ZNF99: variants seen among roughly 807,000 people sequenced by gnomAD.
ZNF99 encodes the protein zinc finger protein 99.
ZNF99 carries 8 observed loss-of-function variants against 12.8 expected under a neutral mutation model. The observed-to-expected ratio is 0.62, with a 90% CI of 0.37 to 1.13. ZNF99 has a LOEUF of 1.13. ZNF99 is among the 50% of genes most tolerant of loss of function. ZNF99 has a pLI of 0.02. For missense variants in ZNF99, 1,007 were observed against 1,006.2 expected, an observed-to-expected ratio of 1.00 and a Z score of -0.01; for synonymous variants, 318 against 319.0, an observed-to-expected ratio of 1.00 and a Z score of 0.03.
In ZNF99 at chr19:22,757,513, T is replaced by G. The variant is rs71357943; in HGVS notation, c.2396A>C (p.Asn799Thr). The G allele has an allele frequency of 1.2e-6, 2 of 1,610,594 alleles. No individual in the cohort carries two copies. Among genetic ancestry groups the G allele is most frequent in the Admixed American group, 3.3e-5 (2 of 59,898 alleles). Residue 799 changes from asparagine to threonine, a missense_variant, in exon 4 of 4, where the codon AAC becomes ACC. Asn to Thr is a moderately conservative substitution (Grantham distance 65). Transcript: ENST00000596209. ...YKCEECGKAF[N>T]NSSTLRKHEI... The stretch of plus-strand genomic sequence containing the variant: ...ATGTTTTCTAAGGGTTGAGGAATTG[T>G]TAAAAGCTTTGCCACATTCTTCACA...
At chr19:22,766,196 C>T (rs1434658789) in intron 3 of ZNF99, among the ~76,000 whole-genome samples, 15 of 145,962 alleles carry the variant, frequency 1.0e-4, no homozygotes, top group South Asian at 2.1e-4. Flanking sequence ...ATAGAAACTA[C>T]GCAAAACAAA....
Position 22,755,149 on chromosome 19 carries a change from T to C in ZNF99, c.*2165A>G, listed in dbSNP as rs891800722. 19 of 232,740 alleles carry C rather than the reference T, an allele frequency of 8.2e-5. No individual in the cohort carries two copies. The highest frequency in any genetic ancestry group is 1.3e-4 in the Non-Finnish European group (15 of 113,188). 14.4% of individuals were successfully genotyped at this position (232,740 alleles called of 1,614,324 possible). A position where few individuals can be genotyped will look rare whatever the true frequency, so the allele number is the denominator to read the frequency against. On this transcript the variant is annotated 3_prime_UTR_variant, in exon 4 of 4. Coordinates refer to ENST00000596209, the MANE Select transcript of ZNF99 (RefSeq NM_001080409.3). ...GTAGGGTTTCTCTCCCATTGAATTA[T>C]GTTGTTTAGCAAGAGTTGAGGACTG...
chr19:22,752,435 C>T lies in ZNF99; in HGVS notation c.*4879G>A, dbSNP rs1439656991. Reference sequence around the variant, plus strand: ...CAGAAATATATCTACACACTATGTACCCATAAAAGTTAAGAAAAATAAGTT... The same window carrying T: ...CAGAAATATATCTACACACTATGTATCCATAAAAGTTAAGAAAAATAAGTT... On this transcript the variant is annotated 3_prime_UTR_variant, in exon 4 of 4. Coordinates refer to ENST00000596209, the MANE Select transcript of ZNF99 (RefSeq NM_001080409.3). 2 of 150,674 alleles carry T rather than the reference C, an allele frequency of 1.3e-5. No individual in the cohort carries two copies. The highest frequency in any genetic ancestry group is 4.9e-5 in the African/African-American group (2 of 40,924). 9.3% of individuals were successfully genotyped at this position (150,674 alleles called of 1,614,324 possible). A position where few individuals can be genotyped will look rare whatever the true frequency, so the allele number is the denominator to read the frequency against.
chr19:22,767,178 A>C (rs1973214480), intron 3 of ZNF99, among the ~76,000 whole-genome samples: 1 of 151,716 alleles, frequency 6.6e-6, no homozygotes, highest in South Asian at 2.1e-4. Context: ...CAGCTACTTA[A>C]GAGGTTGAAA....
In ZNF99 at chr19:22,768,390, G is replaced by C. The variant is rs542942085; in HGVS notation, c.141C>G (p.Val47=). ...GACAAGTTATCAAGTCTAGCTTAGAGACAGCGATACCTGTTTTATTAAAAA... is the reference window on the plus strand; with the variant it reads ...GACAAGTTATCAAGTCTAGCTTAGACACAGCGATACCTGTTTTATTAAAAA... ...YRNLVFLGIA[V]SKLDLITCLK... Residue 47 remains valine, a synonymous_variant, in exon 3 of 4, where the codon GTC becomes GTG. Transcript: ENST00000596209. 1.2e-6 allele frequency: 2 copies of C among 1,611,570 alleles called. No individual in the cohort carries two copies. The highest frequency in any genetic ancestry group is 2.2e-5 in the East Asian group (1 of 44,818).
chr19:22,768,849 G>C (rs1387575903), intron 2 of ZNF99, among the ~76,000 whole-genome samples: 4 of 152,004 alleles, frequency 2.6e-5, no homozygotes, highest in Non-Finnish European at 5.9e-5. Context: ...CCTCAACATG[G>C]AGAAACCCCG....
Position 22,755,449 on chromosome 19 carries a change from C to A in ZNF99, c.*1865G>T, listed in dbSNP as rs1973037842. 3.4e-6 allele frequency: 1 copy of A among 291,678 alleles called. No individual in the cohort carries two copies. The highest frequency in any genetic ancestry group is 4.2e-5 in the Admixed American group (1 of 23,776). 18.1% of individuals were successfully genotyped at this position (291,678 alleles called of 1,614,324 possible). The stretch of plus-strand genomic sequence containing the variant: ...GTTAAAAGTTTTGCCACACTCTTCA[C>A]ATGAGGCGGGTTTCTCTCTAATTTA... On this transcript the variant is annotated 3_prime_UTR_variant, in exon 4 of 4. Transcript: ENST00000596209.
At chr19:22,765,637 C>T (rs748160842) in intron 3 of ZNF99, among the ~76,000 whole-genome samples, 147 of 151,672 alleles carry the variant, frequency 9.7e-4, no homozygotes, top group Non-Finnish European at 1.9e-3. Flanking sequence ...AAAATAAAGA[C>T]TTTCCAAAAT....
chr19:22,783,044 C>T (rs1973407685), intron 1 of ZNF99, among the ~76,000 whole-genome samples: 2 of 152,024 alleles, frequency 1.3e-5, no homozygotes, highest in East Asian at 3.9e-4. Flanking sequence ...CTCTGGGAGG[C>T]GGAGGAGGGC....
intron 3 of ZNF99, among the ~76,000 whole-genome samples, chr19:22,767,241 T>C (rs1973214984): frequency 1.3e-5 from 2 of 152,068 alleles, no homozygotes; most frequent in South Asian, 4.1e-4. Flanking sequence ...CTGCCATGAT[T>C]ACACCATTGC....
intron 1 of ZNF99, among the ~76,000 whole-genome samples, chr19:22,776,043 C>T (rs1173125081): frequency 6.6e-6 from 1 of 151,386 alleles, no homozygotes; most frequent in African/African-American, 2.4e-5. Flanking sequence ...CAAAACATAA[C>T]AAAAACCTAG....
At chr19:22,763,842 G>A in intron 3 of ZNF99, among the ~76,000 whole-genome samples, 1 of 147,312 alleles carries the variant, frequency 6.8e-6, no homozygotes, top group Non-Finnish European at 1.5e-5. Flanking sequence ...ACAGCCAGCT[G>A]AACTTCGACA....
At chr19:22,762,315 G>A (rs1973158790) in intron 3 of ZNF99, among the ~76,000 whole-genome samples, 1 of 152,044 alleles carries the variant, frequency 6.6e-6, no homozygotes, top group African/African-American at 2.4e-5. Flanking sequence ...TATTACAACT[G>A]ACAACACAGA....
chr19:22,756,037 G>T lies in ZNF99; in HGVS notation c.*1277C>A. 1 of 1,091,198 alleles carries T rather than the reference G, an allele frequency of 9.2e-7. No homozygotes were observed. Among genetic ancestry groups the T allele is most frequent in the Non-Finnish European group, 1.3e-6 (1 of 770,008 alleles). The allele number at this position is 1,091,198 out of a possible 1,614,324, so 67.6% of individuals were successfully genotyped here. A position where few individuals can be genotyped will look rare whatever the true frequency, so the allele number is the denominator to read the frequency against. Reference sequence around the variant, plus strand: ...AGGCTTTGCCACATTCTTTACATTTGTGGGGTTTCTCTCCAGCATGAATTG... The same window carrying T: ...AGGCTTTGCCACATTCTTTACATTTTTGGGGTTTCTCTCCAGCATGAATTG... On this transcript the variant is annotated 3_prime_UTR_variant, in exon 4 of 4. Coordinates refer to ENST00000596209, the MANE Select transcript of ZNF99 (RefSeq NM_001080409.3).
In ZNF99 at chr19:22,758,858, T is replaced by A; in HGVS notation, c.1051A>T (p.Ser351Cys). 6.2e-7 allele frequency: 1 copy of A among 1,613,794 alleles called. No homozygotes were observed. The highest frequency in any genetic ancestry group is 8.5e-7 in the Non-Finnish European group (1 of 1,179,872). Reference sequence around the variant, plus strand: ...TGTTTTCTAAGGGTTGAGGACTGGCTAAAAGCTTTGCCACATTCTTCACAT... The same window carrying A: ...TGTTTTCTAAGGGTTGAGGACTGGCAAAAAGCTTTGCCACATTCTTCACAT... ...YKCEECGKAF[S>C]QSSTLRKHEI... The change falls in exon 4 of 4, where the codon AGC (serine) becomes TGC (cysteine). Residue 351 changes from serine (S) to cysteine (C), a missense_variant. Ser to Cys is a moderately radical substitution (Grantham distance 112). Coordinates refer to ENST00000596209, the MANE Select transcript of ZNF99 (RefSeq NM_001080409.3).
At chr19:22,759,880 A>T (rs1973131631) in intron 3 of ZNF99, among the ~76,000 whole-genome samples, 198 bp from the exon 4 acceptor site, 1 of 151,454 alleles carries the variant, frequency 6.6e-6, no homozygotes, top group African/African-American at 2.5e-5. Context: ...ATTTATAAAT[A>T]AGTTAAGTGT....
intron 1 of ZNF99, among the ~76,000 whole-genome samples, chr19:22,780,349 T>C (rs4933037): frequency 0.083 from 12,652 of 152,258 alleles, 555 homozygotes; most frequent in Middle Eastern, 0.11. Context: ...GAAACAAAAG[T>C]ATCTATTCTT....
chr19:22,757,789 C>G lies in ZNF99; in HGVS notation c.2120G>C (p.Cys707Ser). The change falls in exon 4 of 4, where the codon TGT becomes TCT. Residue 707 changes from cysteine to serine, a missense_variant. By Grantham distance (112) the Cys-to-Ser change is moderately radical. Coordinates refer to ENST00000596209, the MANE Select transcript of ZNF99 (RefSeq NM_001080409.3). ...GCTAAAAGCTTTGCCACATTCTTCA[C>G]ATTTGTAGGGTTTCTTTCCAGTATG... Reference protein sequence around the residue: ...IIHTGKKPYKCEECGKAFSQS... With the variant: ...IIHTGKKPYKSEECGKAFSQS... 6.2e-7 allele frequency: 1 copy of G among 1,612,944 alleles called. No individual in the cohort carries two copies. The highest frequency in any genetic ancestry group is 2.2e-5 in the East Asian group (1 of 44,818).
intron 1 of ZNF99, among the ~76,000 whole-genome samples, chr19:22,778,056 T>C (rs748789950): frequency 1.3e-5 from 2 of 149,654 alleles, no homozygotes; most frequent in Admixed American, 6.7e-5. Context: ...GAGAAATACC[T>C]AACGTAAATG....
Sources: allele counts gnomAD v4.1 joint callset (sites outside exome capture counted in the v4.1 genomes callset), GRCh38; gene constraint gnomAD v4.1.1; transcripts MANE v1.5; gene names NCBI Gene and HGNC (gene_info 2026-07-23, HGNC 2026-07-21).